The following XRN2 variants were observed in gnomAD, a reference collection of about 807,000 sequenced individuals.
XRN2 encodes the protein DHM1-like protein.
A neutral mutation model predicts 138.5 loss-of-function variants in XRN2; 44 were observed. That is an observed-to-expected ratio of 0.32 (90% CI 0.25 to 0.41). The LOEUF (loss-of-function observed/expected upper bound fraction) is 0.41, where lower values mean the gene tolerates loss of function less well. XRN2 is among the 10% of genes least tolerant of loss of function. The pLI, the probability that XRN2 is intolerant of heterozygous loss-of-function variation, is 1.00. For missense variants in XRN2, 937 were observed against 1,169.3 expected, an observed-to-expected ratio of 0.80 and a Z score of 2.90; for synonymous variants, 354 against 369.4, an observed-to-expected ratio of 0.96 and a Z score of 0.48.
chr20:21,344,869 T>G (rs2038416328), intron 16 of XRN2, among the ~76,000 whole-genome samples: 1 of 152,156 alleles, frequency 6.6e-6, no homozygotes, highest in African/African-American at 2.4e-5. Context: ...AACCGTGGGC[T>G]CCAAGTGCAA....
chr20:21,338,175 C>A (rs925416914), intron 13 of XRN2, among the ~76,000 whole-genome samples: 1 of 152,130 alleles, frequency 6.6e-6, no homozygotes, highest in Non-Finnish European at 1.5e-5. Context: ...GGATGACCAT[C>A]AGTATAGGAT....
At chr20:21,332,553 T>G (rs984136253) in intron 9 of XRN2, 113 bp downstream of exon 9, 3 of 1,095,834 alleles carry the variant, frequency 2.7e-6, no homozygotes, top group Non-Finnish European at 2.5e-6. Context: ...TTAAATAGCA[T>G]TAAATATTTG....
intron 16 of XRN2, among the ~76,000 whole-genome samples, chr20:21,345,319 C>T (rs2038422012): frequency 6.6e-6 from 1 of 152,124 alleles, no homozygotes; most frequent in Non-Finnish European, 1.5e-5. Flanking sequence ...ATGCCTCTAC[C>T]AAGAAATGCT....
rs150777571 is a variant in XRN2, at chr20:21,305,249, A to C, written c.75+1776A>C. Reference sequence around the variant, plus strand: ...GGGAGGTACTGTTTTCTGGATCATCATCTTACTTCATTTGTTTATTTATTT... The same window carrying C: ...GGGAGGTACTGTTTTCTGGATCATCCTCTTACTTCATTTGTTTATTTATTT... On this transcript the variant is annotated intron_variant, in intron 1 of 29. Coordinates refer to ENST00000377191, the MANE Select transcript of XRN2 (RefSeq NM_012255.5). 3.8e-3 allele frequency among the ~76,000 whole-genome samples: 580 copies of C among 152,148 alleles called. 6 individuals carry two copies. Among genetic ancestry groups the C allele is most frequent in the African/African-American group, 0.013 (559 of 41,522 alleles).
chr20:21,382,053 G>A lies in XRN2; in HGVS notation c.2644G>A (p.Asp882Asn). 6.6e-7 allele frequency: 1 copy of A among 1,508,854 alleles called. No individual in the cohort carries two copies. The highest frequency in any genetic ancestry group is 1.2e-5 in the South Asian group (1 of 86,800). The allele number at this position is 1,508,854 out of a possible 1,614,324, so 93.5% of individuals were successfully genotyped here. A position where few individuals can be genotyped will look rare whatever the true frequency, so the allele number is the denominator to read the frequency against. Residue 882 changes from aspartate (D) to asparagine (N), a missense_variant, in exon 28 of 30, where the codon GAC (aspartate) becomes AAC (asparagine). This residue lies in a region of XRN2 where 372 missense variants were observed against 414.4 expected (regional missense o/e 0.90). Coordinates refer to ENST00000377191, the MANE Select transcript of XRN2 (RefSeq NM_012255.5). ...TCCCCTTTTCCAGCAGCAAAGGTTT[G>A]ACAGGTAATATTAAAAGTAGACATG... Reference protein sequence around the residue: ...PPPLFQQQRFDRGVGAEPLLP... With the variant: ...PPPLFQQQRFNRGVGAEPLLP...
rs931418254 is a variant in XRN2, at chr20:21,316,042, C to T, written c.76-10237C>T. On this transcript the variant is annotated intron_variant, in intron 1 of 29. Transcript: ENST00000377191. The stretch of plus-strand genomic sequence containing the variant: ...CTGAGGTGGGCAGATCACTTGAGGA[C>T]AGGAGTTTGAGACCAGCCTGGCCAA... 3.9e-5 allele frequency among the ~76,000 whole-genome samples: 6 copies of T among 152,232 alleles called. No individual in the cohort carries two copies. In the South Asian group the frequency reaches 1.0e-3, roughly 26 times the overall value.
At chr20:21,364,459 A>G (rs1175299146) in intron 24 of XRN2, among the ~76,000 whole-genome samples, 1 of 152,198 alleles carries the variant, frequency 6.6e-6, no homozygotes, top group Non-Finnish European at 1.5e-5. Context: ...TATCACTACC[A>G]GAAAAGAAGT....
At chr20:21,329,084 A>T (rs1017292214) in intron 4 of XRN2, among the ~76,000 whole-genome samples, 1 of 152,092 alleles carries the variant, frequency 6.6e-6, no homozygotes, top group African/African-American at 2.4e-5. Context: ...GCTTTTTGAA[A>T]CTCAGAGGTC....
At position 21,346,530 on chromosome 20, in the gene XRN2, G is replaced by A; in HGVS notation, c.1645G>A (p.Val549Ile). 3.7e-6 allele frequency: 6 copies of A among 1,613,740 alleles called. No homozygotes were observed. The highest frequency in any genetic ancestry group is 5.1e-6 in the Non-Finnish European group (6 of 1,179,758). Residue 549 changes from valine to isoleucine, a missense_variant, in exon 17 of 30, where the codon GTT becomes ATT. Physicochemically the swap from Val to Ile is conservative, Grantham distance 29 (BLOSUM62 3). Around this residue, in one of 6 missense-constraint regions of XRN2, gnomAD observed 471 missense variants for 581.2 expected, o/e 0.81. Coordinates refer to ENST00000377191, the MANE Select transcript of XRN2 (RefSeq NM_012255.5). Reference sequence around the variant, plus strand: ...GTCGTACGTTGAAGGACTTTGCTGGGTTCTTAGATATTATTACCAGGTACA... The same window carrying A: ...GTCGTACGTTGAAGGACTTTGCTGGATTCTTAGATATTATTACCAGGTACA... ...VQSYVEGLCW[V>I]LRYYYQGCAS...
At chr20:21,311,003 T>G (rs202827) in intron 1 of XRN2, among the ~76,000 whole-genome samples, 2 of 152,104 alleles carry the variant, frequency 1.3e-5, no homozygotes, top group Admixed American at 6.5e-5. Flanking sequence ...TGCCCGCCTC[T>G]GCCTCCCAGA....
intron 3 of XRN2, among the ~76,000 whole-genome samples, chr20:21,327,058 G>A (rs4813426): frequency 0.68 from 103,085 of 151,984 alleles, 35,692 homozygotes; most frequent in South Asian, 0.83. Context: ...GGATGGGACA[G>A]GGTTTGGGGA....
At position 21,332,326 on chromosome 20, in the gene XRN2, T is replaced by C; in HGVS notation, c.744T>C (p.Phe248=). 6.2e-7 allele frequency: 1 copy of C among 1,613,922 alleles called. No individual in the cohort carries two copies. The highest frequency in any genetic ancestry group is 8.5e-7 in the Non-Finnish European group (1 of 1,179,850). ...MLGLATHEPN[F]TIIREEFKPN... The stretch of plus-strand genomic sequence containing the variant: ...GCCTTGCCACACATGAACCGAACTT[T>C]ACCATTATTAGAGAAGAATTCAAAC... The change falls in exon 9 of 30, where the codon TTT becomes TTC. Residue 248 remains phenylalanine (F), a synonymous_variant. Transcript: ENST00000377191.
At chr20:21,386,732 C>T (rs534629218) in intron 28 of XRN2, 136 bp from the exon 29 acceptor site, 4 of 1,080,950 alleles carry the variant, frequency 3.7e-6, no homozygotes, top group East Asian at 4.9e-5. Context: ...AAAGGCCATT[C>T]TGATACTCTG....
At chr20:21,372,236 G>A (rs1452203679) in intron 27 of XRN2, among the ~76,000 whole-genome samples, 1 of 152,144 alleles carries the variant, frequency 6.6e-6, no homozygotes, top group African/African-American at 2.4e-5. Flanking sequence ...AAAGGGCACA[G>A]GAATGGGAGG....
In XRN2 at chr20:21,368,547, G is replaced by C; in HGVS notation, c.2541G>C (p.Arg847Ser). The C allele has an allele frequency of 6.2e-7, 1 of 1,614,036 alleles. No individual in the cohort carries two copies. The highest frequency in any genetic ancestry group is 1.1e-5 in the South Asian group (1 of 91,076). ...PPVTYQGNLY[R>S]PLLRGQAQIP... ...TGACTTACCAGGGAAACTTATACAGGCCGCTTTTGAGAGGACAAGCCCAGA... is the reference window on the plus strand; with the variant it reads ...TGACTTACCAGGGAAACTTATACAGCCCGCTTTTGAGAGGACAAGCCCAGA... The change falls in exon 27 of 30, where the codon AGG becomes AGC. Residue 847 changes from arginine to serine, a missense_variant. Around this residue, in one of 6 missense-constraint regions of XRN2, gnomAD observed 372 missense variants for 414.4 expected, o/e 0.90. Coordinates refer to ENST00000377191, the MANE Select transcript of XRN2 (RefSeq NM_012255.5).
chr20:21,374,622 T>C (rs2038798495), intron 27 of XRN2, among the ~76,000 whole-genome samples: 1 of 152,152 alleles, frequency 6.6e-6, no homozygotes. Context: ...TTTTGAAATA[T>C]TAAACCAACA....
chr20:21,388,020 C>G (rs181206154), intron 29 of XRN2, among the ~76,000 whole-genome samples: 2 of 152,292 alleles, frequency 1.3e-5, no homozygotes, highest in East Asian at 3.9e-4. Flanking sequence ...AGCCCAGGAC[C>G]TCTAAAAATC....
rs1247049274 is a variant in XRN2, at chr20:21,306,869, A to G, written c.75+3396A>G. 5.3e-5 allele frequency among the ~76,000 whole-genome samples: 4 copies of G among 75,152 alleles called. 2 individuals are homozygous for G. The highest frequency in any genetic ancestry group is 1.5e-4 in the African/African-American group (4 of 27,392). The allele number at this position is 75,152 out of a possible 152,430, so 49.3% of individuals were successfully genotyped here. A position where few individuals can be genotyped will look rare whatever the true frequency, so the allele number is the denominator to read the frequency against. ...CTAAAAATACAAAAATTAGCTGCGCATGGTGGCGCGCCTGTAGTCCCAGCT... is the reference window on the plus strand; with the variant it reads ...CTAAAAATACAAAAATTAGCTGCGCGTGGTGGCGCGCCTGTAGTCCCAGCT... On this transcript the variant is annotated intron_variant, in intron 1 of 29. Transcript: ENST00000377191.
chr20:21,378,326 A>G (rs911104927), intron 27 of XRN2, among the ~76,000 whole-genome samples: 6 of 152,208 alleles, frequency 3.9e-5, no homozygotes, highest in Non-Finnish European at 8.8e-5. Context: ...TAAGCAGCAC[A>G]AAATCATGGG....
Sources: allele counts gnomAD v4.1 joint callset (sites outside exome capture counted in the v4.1 genomes callset), GRCh38; gene constraint gnomAD v4.1.1; regional missense constraint gnomAD v4.1.1; transcripts MANE v1.5; gene names NCBI Gene and HGNC (gene_info 2026-07-23, HGNC 2026-07-21).